Variants in CCDC91 observed in about 807,000 individuals in gnomAD.
The protein encoded by CCDC91 is coiled-coil domain-containing protein 91.
A neutral mutation model predicts 63.2 loss-of-function variants in CCDC91; 48 were observed. The observed-to-expected ratio is 0.76, with a 90% CI of 0.60 to 0.97. The LOEUF (loss-of-function observed/expected upper bound fraction) is 0.97. Ranked by LOEUF, CCDC91 falls within the 50% of genes least tolerant of loss-of-function variation. The pLI is 0.00. For synonymous variants in CCDC91, 167 were observed against 165.8 expected (o/e 1.01, Z -0.06); for missense variants, 500 against 494.6 (o/e 1.01, Z -0.10).
intron 10 of CCDC91, among the ~76,000 whole-genome samples, chr12:28,451,059 G>C (rs1428471226): frequency 6.6e-6 from 1 of 151,666 alleles, no homozygotes; most frequent in Non-Finnish European, 1.5e-5. Context: ...TGTCATAGAA[G>C]TTTTTTTAAA....
At chr12:28,244,646 T>C (rs3894317) in intron 1 of CCDC91, among the ~76,000 whole-genome samples, 1 of 151,762 alleles carries the variant, frequency 6.6e-6, no homozygotes, top group African/African-American at 2.4e-5. Flanking sequence ...TCTGGTGATA[T>C]GATGCTGGCT....
intron 1 of CCDC91, among the ~76,000 whole-genome samples, chr12:28,220,955 T>G (rs759336613): frequency 6.6e-6 from 1 of 152,138 alleles, no homozygotes; most frequent in Non-Finnish European, 1.5e-5. Context: ...CTTTAGCTTC[T>G]TGGGTCTCTG....
intron 3 of CCDC91, among the ~76,000 whole-genome samples, chr12:28,267,445 A>G (rs1947264877): frequency 6.6e-6 from 1 of 150,850 alleles, no homozygotes; most frequent in African/African-American, 2.4e-5. Flanking sequence ...TTACAAACAG[A>G]CCTGTAGTGA....
At chr12:28,386,378 T>C (rs1467277009) in intron 7 of CCDC91, among the ~76,000 whole-genome samples, 2 of 152,170 alleles carry the variant, frequency 1.3e-5, no homozygotes, top group African/African-American at 4.8e-5. Context: ...TTCTTTTTTC[T>C]TTTTTCTGAG....
chr12:28,349,984 G>A (rs1226640725), intron 6 of CCDC91, among the ~76,000 whole-genome samples: 3 of 152,108 alleles, frequency 2.0e-5, no homozygotes, highest in Admixed American at 6.5e-5. Flanking sequence ...ACCAAATCCT[G>A]AGTATTTTGG....
chr12:28,510,964 A>G (rs796860150), intron 12 of CCDC91, among the ~76,000 whole-genome samples: 2 of 152,008 alleles, frequency 1.3e-5, no homozygotes, highest in South Asian at 2.1e-4. Context: ...AAATGGCACC[A>G]GCTGCACAAA....
At chr12:28,462,517 C>G (rs1950355438) in intron 11 of CCDC91, among the ~76,000 whole-genome samples, 1 of 151,910 alleles carries the variant, frequency 6.6e-6, no homozygotes, top group Non-Finnish European at 1.5e-5. Context: ...AAGCTATAAT[C>G]TAGTGTGTAC....
rs2141913787 is a variant in CCDC91 at position 28,549,415 on chromosome 12, A to G, written c.*242A>G. Reference sequence around the variant, plus strand: ...AGTAGTAGCAGCAACAGAGTATGATATGACCCAAAAGCCATTGTAAAGTGC... The same window carrying G: ...AGTAGTAGCAGCAACAGAGTATGATGTGACCCAAAAGCCATTGTAAAGTGC... On this transcript the variant is annotated 3_prime_UTR_variant, in exon 13 of 13. Transcript: ENST00000536442. 3.4e-6 allele frequency: 1 copy of G among 294,236 alleles called. No homozygotes were observed. The highest frequency in any genetic ancestry group is 6.4e-6 in the Non-Finnish European group (1 of 156,016). The allele number at this position is 294,236 out of a possible 1,614,324, so 18.2% of individuals were successfully genotyped here.
chr12:28,228,083 G>A (rs1246096889), intron 1 of CCDC91, among the ~76,000 whole-genome samples: 1 of 151,838 alleles, frequency 6.6e-6, no homozygotes, highest in East Asian at 1.9e-4. Context: ...TTTGCTTCTA[G>A]CCACCTATCT....
intron 1 of CCDC91, among the ~76,000 whole-genome samples, chr12:28,205,797 A>G (rs940704890): frequency 2.0e-5 from 3 of 152,176 alleles, no homozygotes; most frequent in African/African-American, 7.2e-5. Flanking sequence ...CAACCTATTA[A>G]GTTAGGTTGC....
chr12:28,420,210 G>A (rs1457720609), intron 8 of CCDC91, among the ~76,000 whole-genome samples: 4 of 151,872 alleles, frequency 2.6e-5, no homozygotes, highest in Non-Finnish European at 4.4e-5. Flanking sequence ...AAAACTTAAA[G>A]CAAAAAAATC....
chr12:28,285,498 T>C (rs765095826), intron 3 of CCDC91, among the ~76,000 whole-genome samples: 1 of 151,928 alleles, frequency 6.6e-6, no homozygotes, highest in Non-Finnish European at 1.5e-5. Flanking sequence ...TAAGTCATAT[T>C]ATGATCAAAA....
intron 12 of CCDC91, among the ~76,000 whole-genome samples, chr12:28,500,357 AT>A (rs1385078690): frequency 2.0e-5 from 3 of 151,770 alleles, no homozygotes; most frequent in African/African-American, 7.3e-5. Flanking sequence ...ATTAGATCCC[AT>A]TTGTCAATTT....
At chr12:28,213,268 C>G (rs1261909087) in intron 1 of CCDC91, among the ~76,000 whole-genome samples, 1 of 152,196 alleles carries the variant, frequency 6.6e-6, no homozygotes. Context: ...CCCACCGACT[C>G]CTCTTTGTTT....
chr12:28,364,527 T>C (rs1346439756), intron 7 of CCDC91, among the ~76,000 whole-genome samples: 3 of 152,238 alleles, frequency 2.0e-5, no homozygotes, highest in Non-Finnish European at 4.4e-5. Flanking sequence ...TATATTATTA[T>C]AGTATTGATT....
intron 3 of CCDC91, among the ~76,000 whole-genome samples, chr12:28,263,997 T>C (rs1394232450): frequency 1.3e-5 from 2 of 151,944 alleles, no homozygotes; most frequent in Admixed American, 1.3e-4. Context: ...GCTGTTTTTT[T>C]TTTTTGGTGC....
intron 6 of CCDC91, among the ~76,000 whole-genome samples, chr12:28,345,719 T>G (rs1942763419): frequency 6.6e-6 from 1 of 152,174 alleles, no homozygotes; most frequent in South Asian, 2.1e-4. Flanking sequence ...CTTTTAAAAT[T>G]AATATTTATG....
intron 8 of CCDC91, among the ~76,000 whole-genome samples, chr12:28,428,941 A>G (rs985112938): frequency 2.0e-5 from 3 of 152,080 alleles, no homozygotes; most frequent in East Asian, 1.9e-4. Flanking sequence ...ATTTTTTTTT[A>G]TTGACCTTCC....
intron 8 of CCDC91, among the ~76,000 whole-genome samples, chr12:28,429,083 G>A (rs1302722306): frequency 6.6e-6 from 1 of 152,164 alleles, no homozygotes; most frequent in Admixed American, 6.6e-5. Context: ...AGTGGTTGGT[G>A]TTGATGTCCA....
Sources: allele counts gnomAD v4.1 joint callset (sites outside exome capture counted in the v4.1 genomes callset), GRCh38; gene constraint gnomAD v4.1.1; transcripts MANE v1.5; gene names NCBI Gene and HGNC (gene_info 2026-07-23, HGNC 2026-07-21).